The following COG2 variants were observed in gnomAD, a reference collection of about 807,000 sequenced individuals.
COG2 encodes component of oligomeric golgi complex 2.
A neutral mutation model predicts 90.6 loss-of-function variants in COG2; 52 were observed. That is an observed-to-expected ratio of 0.57 (90% CI 0.46 to 0.72). The LOEUF is 0.72. Among genes scored for constraint, COG2 ranks in the 30% least tolerant of loss-of-function variants. The pLI is 0.00. For missense variants in COG2, 829 were observed against 891.2 expected, an observed-to-expected ratio of 0.93 and a Z score of 0.89; for synonymous variants, 337 against 320.4, an observed-to-expected ratio of 1.05 and a Z score of -0.55.
At chr1:230,680,198 TA>T (rs1164474275) in intron 10 of COG2, 3 of 152,230 alleles carry the variant, frequency 2.0e-5, no homozygotes, top group African/African-American at 7.2e-5. Flanking sequence ...GAGCAGGATT[TA>T]AAATAGCAAA....
intron 2 of COG2, 61 bp downstream of exon 2, chr1:230,659,686 T>C: frequency 2.6e-6 from 4 of 1,525,658 alleles, no homozygotes; most frequent in Middle Eastern, 1.8e-4. Flanking sequence ...CTCATACTTA[T>C]TCTTAGAAGT....
intron 1 of COG2, among the ~76,000 whole-genome samples, chr1:230,646,737 C>G (rs1057482718): frequency 1.3e-5 from 2 of 152,072 alleles, no homozygotes; most frequent in Non-Finnish European, 2.9e-5. Context: ...TGGCTCTCTT[C>G]TGGTATTACC....
chr1:230,671,662 G>A (rs1253571419), intron 8 of COG2, 22 bp downstream of exon 8: 3 of 1,609,860 alleles, frequency 1.9e-6, no homozygotes, highest in Admixed American at 1.7e-5. Flanking sequence ...AACCCTGTGT[G>A]GACCCCCACC....
intron 3 of COG2, among the ~76,000 whole-genome samples, chr1:230,661,742 G>A (rs1571948503): frequency 6.6e-6 from 1 of 152,248 alleles, no homozygotes; most frequent in East Asian, 1.9e-4. Flanking sequence ...AGAATGGCAG[G>A]CAAGAAATAA....
intron 1 of COG2, among the ~76,000 whole-genome samples, chr1:230,647,412 C>T (rs1381663039): frequency 6.6e-6 from 1 of 152,138 alleles, no homozygotes; most frequent in Non-Finnish European, 1.5e-5. Flanking sequence ...AGAATAATGC[C>T]TGGCTGATTG....
intron 7 of COG2, chr1:230,671,294 C>T: frequency 7.2e-6 from 2 of 277,420 alleles, no homozygotes; most frequent in Non-Finnish European, 1.3e-5. Flanking sequence ...CATGGTTTGT[C>T]AGCCCATGTC....
At chr1:230,665,994 G>A (rs753726131) in intron 5 of COG2, among the ~76,000 whole-genome samples, 11 of 152,066 alleles carry the variant, frequency 7.2e-5, no homozygotes, top group Non-Finnish European at 1.2e-4. Flanking sequence ...CTGTGCTCTT[G>A]ATCAGCACTT....
intron 17 of COG2, among the ~76,000 whole-genome samples, 158 bp from the exon 18 acceptor site, chr1:230,693,131 TACA>T (rs1211663307): frequency 6.6e-6 from 1 of 152,224 alleles, no homozygotes; most frequent in Non-Finnish European, 1.5e-5. Flanking sequence ...CCTCACATTT[TACA>T]ACAAGTAAAT....
At chr1:230,653,941 A>C (rs1458387163) in intron 1 of COG2, among the ~76,000 whole-genome samples, 1 of 151,286 alleles carries the variant, frequency 6.6e-6, no homozygotes, top group Non-Finnish European at 1.5e-5. Context: ...CCACTTCTTA[A>C]AGGTATCCTC....
intron 1 of COG2, among the ~76,000 whole-genome samples, chr1:230,643,401 TC>T (rs1661677188): frequency 1.3e-5 from 2 of 152,246 alleles, no homozygotes; most frequent in Non-Finnish European, 2.9e-5. Context: ...ACTTGGTGTA[TC>T]CCTCTGGGTC....
intron 1 of COG2, among the ~76,000 whole-genome samples, chr1:230,643,900 A>G (rs888226397): frequency 6.6e-6 from 1 of 152,184 alleles, no homozygotes; most frequent in Non-Finnish European, 1.5e-5. Flanking sequence ...GTAGAAAGAA[A>G]CAGCTAAGGG....
rs772309594 is a variant in COG2, at chr1:230,642,606, G to A, written c.-1G>A. On this transcript the variant is annotated 5_prime_UTR_variant, in exon 1 of 18. Transcript: ENST00000366669. ...GGCACTGAGAGGCGGTGGCCGGCGGGATGGAGAAAAGTAGGATGAACCTGC... is the reference window on the plus strand; with the variant it reads ...GGCACTGAGAGGCGGTGGCCGGCGGAATGGAGAAAAGTAGGATGAACCTGC... 52 of 1,611,704 alleles carry A rather than the reference G, an allele frequency of 3.2e-5. No homozygotes were observed. The highest frequency in any genetic ancestry group is 4.2e-5 in the Non-Finnish European group (49 of 1,179,170).
In COG2 at chr1:230,685,204, A is replaced by G. The variant is rs1662858138; in HGVS notation, c.1348A>G (p.Ile450Val). The G allele has an allele frequency of 6.2e-7, 1 of 1,614,118 alleles. No individual in the cohort carries two copies. Among genetic ancestry groups the G allele is most frequent in the Non-Finnish European group, 8.5e-7 (1 of 1,180,022 alleles). ...TCGCCTGTGGAGACTCACTCTGCAG[A>G]TTTTGGCACGATACTCTGTGTTTGT... Reference protein sequence around the residue: ...VHRLWRLTLQILARYSVFVNE... With the variant: ...VHRLWRLTLQVLARYSVFVNE... Residue 450 changes from isoleucine (I) to valine (V), a missense_variant, in exon 12 of 18, where the codon ATT (isoleucine) becomes GTT (valine). Transcript: ENST00000366669.
chr1:230,689,663 C>T (rs531292216), intron 15 of COG2, among the ~76,000 whole-genome samples: 1 of 152,360 alleles, frequency 6.6e-6, no homozygotes, highest in South Asian at 2.1e-4. Context: ...CTGCCCCCAA[C>T]AGAATTAGAA....
intron 7 of COG2, chr1:230,670,644 TCTCA>T (rs1662426139): frequency 6.6e-6 from 1 of 152,088 alleles, no homozygotes; most frequent in South Asian, 2.1e-4. Context: ...GGGGACAGGG[TCTCA>T]CTCTGTCACG....
chr1:230,688,268 C>T, intron 14 of COG2, 125 bp downstream of exon 14: 6 of 1,223,016 alleles, frequency 4.9e-6, no homozygotes. Flanking sequence ...TTTCTCTATT[C>T]TGTATTATAA....
intron 5 of COG2, 65 bp from the exon 6 acceptor site, chr1:230,668,611 G>A: frequency 2.1e-6 from 2 of 958,870 alleles, no homozygotes; most frequent in Admixed American, 2.2e-5. Flanking sequence ...TGCCAGGCGT[G>A]TGATGTATTC....
chr1:230,683,328 G>A, intron 10 of COG2: 1 of 401,748 alleles, frequency 2.5e-6, no homozygotes, highest in Non-Finnish European at 4.5e-6. Context: ...GAGAAACATG[G>A]GGTAAGTTAT....
intron 7 of COG2, chr1:230,670,642 G>A (rs954773287): frequency 3.3e-5 from 5 of 151,692 alleles, no homozygotes; most frequent in East Asian, 1.9e-4. Context: ...TGGGGGACAG[G>A]GTCTCACTCT....
Sources: allele counts gnomAD v4.1 joint callset (sites outside exome capture counted in the v4.1 genomes callset), GRCh38; gene constraint gnomAD v4.1.1; transcripts MANE v1.5; gene names NCBI Gene and HGNC (gene_info 2026-07-23, HGNC 2026-07-21).